CCND3: variants seen among roughly 807,000 people sequenced by gnomAD.
The protein encoded by CCND3 is G1/S-specific cyclin-D3.
In CCND3, 9 loss-of-function variants were observed where a neutral mutation model predicts 28.7. The ratio of observed to expected loss-of-function variants is 0.31; its 90% confidence interval spans 0.19 to 0.55. CCND3 has a LOEUF of 0.55. Among genes scored for constraint, CCND3 ranks in the 20% least tolerant of loss-of-function variants. The pLI, the probability that CCND3 is intolerant of heterozygous loss-of-function variation, is 0.93. For missense variants in CCND3, 315 were observed against 385.8 expected (o/e 0.82, Z 1.54); for synonymous variants, 164 against 163.9 (o/e 1.00, Z 0.00).
chr6:41,956,800 G>T (rs545096986), intron 1 of CCND3, among the ~76,000 whole-genome samples: 1 of 151,906 alleles, frequency 6.6e-6, no homozygotes, highest in Non-Finnish European at 1.5e-5. Context: ...AGGCTGAGGC[G>T]GGCGGATCAC....
In CCND3 at chr6:41,939,834, G is replaced by T. The variant is rs1222899832; in HGVS notation, c.414+536C>A. Among the ~76,000 whole-genome samples the T allele has an allele frequency of 6.6e-6, 1 of 152,152 alleles. No homozygotes were observed. The highest frequency in any genetic ancestry group is 2.4e-5 in the African/African-American group (1 of 41,418). ...GGATATAAGAGGAAGCAAAGAAGGT[G>T]GGATGAAATACATCAGCCCTTCCTT... On this transcript the variant is annotated intron_variant, in intron 2 of 4. Coordinates refer to ENST00000372991, the MANE Select transcript of CCND3 (RefSeq NM_001760.5). This position sits in a 1 kb window ranked among gnomAD's most constrained non-coding sequence, Gnocchi z 4.2.
At chr6:41,943,452 T>G (rs1776094369), upstream of CCND3, among the ~76,000 whole-genome samples, 1 of 152,234 alleles carries the variant, frequency 6.6e-6, no homozygotes, top group Non-Finnish European at 1.5e-5. Context: ...AGGACATAAT[T>G]TGTAATAGGG....
upstream of CCND3, among the ~76,000 whole-genome samples, chr6:41,944,513 C>T (rs1170930863): frequency 6.6e-6 from 1 of 151,884 alleles, no homozygotes; most frequent in African/African-American, 2.4e-5. Flanking sequence ...CCTCTGCCTC[C>T]TGGTTTCAAG....
At chr6:41,947,288 G>A (rs1400896777) in intron 1 of CCND3, among the ~76,000 whole-genome samples, 1 of 151,890 alleles carries the variant, frequency 6.6e-6, no homozygotes, top group Admixed American at 6.6e-5. Context: ...CAGCACTTTA[G>A]GCAGCACTAC....
intron 1 of CCND3, among the ~76,000 whole-genome samples, chr6:42,040,915 A>G (rs1764355050): frequency 1.3e-5 from 2 of 152,192 alleles, no homozygotes; most frequent in South Asian, 4.1e-4. Context: ...TTTGTGAGGA[A>G]TAGCTGAGAA....
chr6:41,979,171 C>A (rs80156408), intron 1 of CCND3, among the ~76,000 whole-genome samples: 440 of 87,450 alleles, frequency 5.0e-3, no homozygotes, highest in African/African-American at 5.3e-3. Flanking sequence ...AACTCTGTCT[C>A]AAAAAAAAAA....
chr6:42,010,410 T>A (rs1763307633), intron 1 of CCND3, among the ~76,000 whole-genome samples: 1 of 151,858 alleles, frequency 6.6e-6, no homozygotes, highest in South Asian at 2.1e-4. Context: ...TGTGGCTTCA[T>A]GTGGCTGGGT....
chr6:42,043,697 CAAA>C (rs1331733801), intron 1 of CCND3, among the ~76,000 whole-genome samples: 2 of 152,094 alleles, frequency 1.3e-5, no homozygotes, highest in Admixed American at 6.5e-5. Flanking sequence ...GACCCTGTCT[CAAA>C]AAAATCAGGG....
intron 1 of CCND3, among the ~76,000 whole-genome samples, chr6:41,988,784 C>T (rs189076009): frequency 7.4e-4 from 111 of 149,668 alleles, no homozygotes; most frequent in Middle Eastern, 3.5e-3. Flanking sequence ...CTGCAAGCTC[C>T]GCCTCCCGGG....
intron 1 of CCND3, among the ~76,000 whole-genome samples, chr6:42,030,742 G>T (rs996305285): frequency 2.0e-5 from 3 of 152,186 alleles, no homozygotes; most frequent in African/African-American, 7.2e-5. Flanking sequence ...GCCTGGAAGA[G>T]GCCCCTTTCC....
chr6:42,032,324 C>T (rs190572569), intron 1 of CCND3, among the ~76,000 whole-genome samples: 4 of 151,922 alleles, frequency 2.6e-5, no homozygotes, highest in African/African-American at 7.2e-5. Flanking sequence ...TGGCCTGAAG[C>T]GATTATCCTG....
At chr6:42,040,440 C>CA (rs557099341) in intron 1 of CCND3, among the ~76,000 whole-genome samples, 234 of 151,146 alleles carry the variant, frequency 1.5e-3, no homozygotes, top group African/African-American at 5.2e-3. Flanking sequence ...AAAACAACAA[C>CA]AAAAAAGAAA....
chr6:41,973,746 G>A lies in CCND3; in HGVS notation c.-45-33161C>T, dbSNP rs186960661. 6.6e-5 allele frequency among the ~76,000 whole-genome samples: 10 copies of A among 152,250 alleles called. No individual in the cohort carries two copies. The East Asian group carries it at 1.3e-3, about 21-fold the overall frequency. ...TTCTGCCTGGTTTAAATCCTGGTTC[G>A]GTCACTTTCTAATAGCTGTACAATC... On this transcript the variant is annotated intron_variant, in intron 1 of 4. Coordinates refer to the CCND3 transcript ENST00000372988.
chr6:42,026,815 C>T (rs1364201593), intron 1 of CCND3, among the ~76,000 whole-genome samples: 1 of 152,190 alleles, frequency 6.6e-6, no homozygotes, highest in Non-Finnish European at 1.5e-5. Flanking sequence ...TCCTCCCTCC[C>T]CACTGGCTGG....
At chr6:41,978,896 G>A (rs1762252271) in intron 1 of CCND3, among the ~76,000 whole-genome samples, 1 of 152,126 alleles carries the variant, frequency 6.6e-6, no homozygotes, top group African/African-American at 2.4e-5. Flanking sequence ...ATATGATCCT[G>A]GCTGGGTGGG....
intron 2 of CCND3, chr6:41,937,723 C>T (rs1775855309): frequency 3.0e-6 from 1 of 329,904 alleles, no homozygotes; most frequent in Non-Finnish European, 5.8e-6. Context: ...AGGATTTCTC[C>T]AGCCAGGGCT....
At chr6:42,015,028 CA>C (rs1260247582) in intron 1 of CCND3, among the ~76,000 whole-genome samples, 13 of 152,278 alleles carry the variant, frequency 8.5e-5, no homozygotes, top group African/African-American at 2.9e-4. Context: ...ATATCAATAG[CA>C]AATATACATG....
chr6:41,970,402 A>G (rs1342072981), intron 1 of CCND3, among the ~76,000 whole-genome samples: 1 of 152,196 alleles, frequency 6.6e-6, no homozygotes. Context: ...GGTAATATCT[A>G]TCTTGCAGGC....
At chr6:41,985,013 A>G (rs1250480821) in intron 1 of CCND3, among the ~76,000 whole-genome samples, 2 of 152,052 alleles carry the variant, frequency 1.3e-5, no homozygotes, top group African/African-American at 4.8e-5. Flanking sequence ...TTTTCTTGCT[A>G]TTGAGTTACA....
Sources: gnomAD v4.1 joint callset for allele counts (sites outside exome capture counted in the v4.1 genomes callset) on GRCh38, gnomAD v4.1.1 for gene constraint, Gnocchi (gnomAD v3.1) non-coding constraint, MANE v1.5 for transcripts, NCBI Gene and HGNC (gene_info 2026-07-23, HGNC 2026-07-21) for gene names.